The following SLCO3A1 variants were observed in gnomAD, a reference collection of about 807,000 sequenced individuals.
SLCO3A1 encodes solute carrier organic anion transporter family member 3A1.
Under a neutral mutation model 63.1 loss-of-function variants are expected in SLCO3A1, and 27 were observed. That is an observed-to-expected ratio of 0.43 (90% CI 0.32 to 0.59). The LOEUF is 0.59. SLCO3A1 is among the 20% of genes least tolerant of loss of function. SLCO3A1 has a pLI of 0.09. For missense variants in SLCO3A1, 773 were observed against 945.8 expected (o/e 0.82, Z 2.40); for synonymous variants, 473 against 409.9 (o/e 1.15, Z -1.86).
intron 1 of SLCO3A1, among the ~76,000 whole-genome samples, chr15:91,858,922 A>G (rs966350154): frequency 1.3e-5 from 2 of 152,260 alleles, no homozygotes; most frequent in African/African-American, 4.8e-5. Context: ...CATTTCATGC[A>G]GAAAGAGTGA....
At chr15:91,984,900 A>AAG (rs2046031363) in intron 2 of SLCO3A1, among the ~76,000 whole-genome samples, 1 of 152,136 alleles carries the variant, frequency 6.6e-6, no homozygotes. Context: ...TTGTGTTTGT[A>AAG]TTATTATCTT....
chr15:92,028,266 G>A (rs1289206332), intron 2 of SLCO3A1, among the ~76,000 whole-genome samples: 4 of 152,216 alleles, frequency 2.6e-5, no homozygotes, highest in Admixed American at 2.0e-4. Flanking sequence ...CCAGCCAGGG[G>A]ATGGTTGAGT....
intron 2 of SLCO3A1, among the ~76,000 whole-genome samples, chr15:92,060,082 A>G (rs553426042): frequency 1.3e-5 from 2 of 152,292 alleles, no homozygotes; most frequent in South Asian, 4.1e-4. Flanking sequence ...TACAGCATAA[A>G]AGATAAACAG....
chr15:91,962,772 G>A (rs55971738), intron 2 of SLCO3A1, among the ~76,000 whole-genome samples: 4,165 of 152,076 alleles, frequency 0.027, 107 homozygotes, highest in African/African-American at 0.062. Flanking sequence ...GAGGGTCCTC[G>A]GGCTGCTTAC....
At chr15:92,171,980 T>C (rs2048524362) in exon 11 of SLCO3A1, 1 of 750,400 alleles carries the variant, frequency 1.3e-6, no homozygotes, top group African/African-American at 1.7e-5. Context: ...ATGTGGATTA[T>C]CCAGCCAGTG....
intron 2 of SLCO3A1, among the ~76,000 whole-genome samples, chr15:92,064,193 C>T (rs1175088238): frequency 6.6e-6 from 1 of 152,208 alleles, no homozygotes; most frequent in Non-Finnish European, 1.5e-5. Flanking sequence ...GAGGTCCTCC[C>T]CTTCTCCCCT....
chr15:92,047,082 A>T (rs1391780388), intron 2 of SLCO3A1, among the ~76,000 whole-genome samples: 3 of 14,914 alleles, frequency 2.0e-4, no homozygotes, highest in African/African-American at 6.2e-4. Flanking sequence ...AATATATATA[A>T]TATATAAATA....
chr15:92,126,294 G>C (rs768159822), intron 6 of SLCO3A1, 35 bp downstream of exon 6: 1 of 1,577,292 alleles, frequency 6.3e-7, no homozygotes, highest in African/African-American at 1.3e-5. Context: ...CTTCCTGCCT[G>C]TTCAGGGACC....
chr15:91,952,797 C>T (rs899355578), intron 2 of SLCO3A1, among the ~76,000 whole-genome samples: 6 of 152,160 alleles, frequency 3.9e-5, no homozygotes, highest in African/African-American at 9.7e-5. Flanking sequence ...AGCAGGTATT[C>T]GTACATTTCC....
chr15:91,872,990 G>C lies in SLCO3A1; in HGVS notation c.180+18902G>C, dbSNP rs1046100421. Among the ~76,000 whole-genome samples the C allele has an allele frequency of 6.6e-6, 1 of 152,150 alleles. No individual in the cohort carries two copies. Among genetic ancestry groups the C allele is most frequent in the Non-Finnish European group, 1.5e-5 (1 of 68,034 alleles). Reference sequence around the variant, plus strand: ...ACCTGCGTGCTCAGCACTCACCTGCGTTCCTGATTTGAACAGCCAGCCACT... The same window carrying C: ...ACCTGCGTGCTCAGCACTCACCTGCCTTCCTGATTTGAACAGCCAGCCACT... On this transcript the variant is annotated intron_variant, in intron 1 of 9. Coordinates refer to ENST00000318445, the MANE Select transcript of SLCO3A1 (RefSeq NM_013272.4). This position sits in a 1 kb window ranked among gnomAD's most constrained non-coding sequence, Gnocchi z 4.1.
At chr15:92,090,287 G>T (rs2047455973) in intron 2 of SLCO3A1, among the ~76,000 whole-genome samples, 2 of 152,196 alleles carry the variant, frequency 1.3e-5, no homozygotes, top group Admixed American at 1.3e-4. Flanking sequence ...ATGTCCAAGA[G>T]ATGTCAGGTA....
rs368641881 is a variant in SLCO3A1, at chr15:92,086,466, C to A, written c.647-8415C>A. Among the ~76,000 whole-genome samples, 6 of 151,966 alleles carry A rather than the reference C, an allele frequency of 3.9e-5. No individual in the cohort carries two copies. The South Asian group carries it at 1.0e-3, about 26-fold the overall frequency. On this transcript the variant is annotated intron_variant, in intron 2 of 9. Transcript: ENST00000318445. ...GATTTTTCTCCTGGTTTTTTTCTTT[C>A]TCATCAATTTATAGTAGTTTTTATA...
intron 5 of SLCO3A1, among the ~76,000 whole-genome samples, chr15:92,121,653 C>T (rs796530360): frequency 2.6e-5 from 4 of 151,956 alleles, no homozygotes; most frequent in African/African-American, 9.7e-5. Flanking sequence ...TTGAGGACAT[C>T]GGAGTGGAAT....
rs73540458 is a variant in SLCO3A1 at position 92,091,286 on chromosome 15, C to T, written c.647-3595C>T. Among the ~76,000 whole-genome samples, 450 of 152,300 alleles carry T rather than the reference C, an allele frequency of 3.0e-3. 1 individual carries two copies. The highest frequency in any genetic ancestry group is 9.6e-3 in the African/African-American group (397 of 41,566). ...ACTAGGGAATCCCAGGCTCTCCTCC[C>T]CACCGACATACATGAACCTGGAAGA... On this transcript the variant is annotated intron_variant, in intron 2 of 9. Coordinates refer to ENST00000318445, the MANE Select transcript of SLCO3A1 (RefSeq NM_013272.4).
chr15:92,123,736 C>G (rs1022766395), intron 5 of SLCO3A1, among the ~76,000 whole-genome samples: 1 of 152,218 alleles, frequency 6.6e-6, no homozygotes. Flanking sequence ...CTGCTGACTC[C>G]TCTGCTGCTT....
intron 4 of SLCO3A1, among the ~76,000 whole-genome samples, chr15:92,109,139 T>G (rs1040938463): frequency 6.6e-6 from 1 of 152,150 alleles, no homozygotes; most frequent in Non-Finnish European, 1.5e-5. Flanking sequence ...GTAATGATTG[T>G]TTTTTGTGCA....
intron 2 of SLCO3A1, among the ~76,000 whole-genome samples, chr15:91,952,797 C>G (rs899355578): frequency 6.6e-6 from 1 of 152,160 alleles, no homozygotes; most frequent in Non-Finnish European, 1.5e-5. Context: ...AGCAGGTATT[C>G]GTACATTTCC....
rs2048467177 is a variant in SLCO3A1, at chr15:92,163,555, TTAAA to T, written c.*421_*424del. Reference sequence around the variant, plus strand: ...AAGAAGTTTCCTAAAATAAAAAAAATTAAAAAAAAAAAACCCACAAGTTGAAAAC... The same window carrying T: ...AAGAAGTTTCCTAAAATAAAAAAAATAAAAAAAAACCCACAAGTTGAAAAC... On this transcript the variant is annotated 3_prime_UTR_variant, in exon 10 of 10. Coordinates refer to ENST00000318445, the MANE Select transcript of SLCO3A1 (RefSeq NM_013272.4). The T allele has an allele frequency of 9.1e-6, 5 of 552,436 alleles. No homozygotes were observed. The highest frequency in any genetic ancestry group is 8.1e-6 in the Non-Finnish European group (4 of 491,182). The allele number at this position is 552,436 out of a possible 1,614,324, so 34.2% of individuals were successfully genotyped here.
intron 7 of SLCO3A1, among the ~76,000 whole-genome samples, chr15:92,135,152 T>G (rs1480238122): frequency 6.6e-6 from 1 of 151,896 alleles, no homozygotes; most frequent in Non-Finnish European, 1.5e-5. Flanking sequence ...AGGTTTGGAG[T>G]TGGAAGAGAG....
Sources: allele counts gnomAD v4.1 joint callset (sites outside exome capture counted in the v4.1 genomes callset), GRCh38; gene constraint gnomAD v4.1.1; non-coding constraint Gnocchi (gnomAD v3.1); transcripts MANE v1.5; gene names NCBI Gene and HGNC (gene_info 2026-07-23, HGNC 2026-07-21).